RELN: variants seen among roughly 807,000 people sequenced by gnomAD.
The protein encoded by RELN is reelin.
Under a neutral mutation model 427.6 loss-of-function variants are expected in RELN, and 108 were observed. That is an observed-to-expected ratio of 0.25 (90% CI 0.22 to 0.30). RELN has a LOEUF of 0.30. RELN is among the 10% of genes least tolerant of loss of function. The pLI, the probability that RELN is intolerant of heterozygous loss-of-function variation, is 1.00. For missense variants in RELN, 3,715 were observed against 4,302.8 expected (o/e 0.86, Z 3.82); for synonymous variants, 1,524 against 1,513.4 (o/e 1.01, Z -0.16).
Position 103,561,615 on chromosome 7 carries a change from G to C in RELN, c.5446C>G (p.Leu1816Val), listed in dbSNP as rs1391159971. Residue 1816 changes from leucine (L) to valine (V), a missense_variant, in exon 36 of 65, where the codon CTT becomes GTT. Coordinates refer to ENST00000428762, the MANE Select transcript of RELN (RefSeq NM_005045.4). ...DDFNGNLHPD[L>V]WPEVYGAERG... ...TCTGCACCATACACTTCAGGCCAAA[G>C]GTCAGGATGTAAATTCCCATTGAAA... 6.2e-7 allele frequency: 1 copy of C among 1,613,714 alleles called. No individual in the cohort carries two copies. The highest frequency in any genetic ancestry group is 1.7e-5 in the Admixed American group (1 of 59,978).
chr7:103,510,418 AT>A (rs1829368063), intron 51 of RELN, among the ~76,000 whole-genome samples: 1 of 152,224 alleles, frequency 6.6e-6, no homozygotes, highest in African/African-American at 2.4e-5. Context: ...GTTCTCACTC[AT>A]AGGTGGGAGT....
At chr7:103,804,477 T>C (rs1584253833) in intron 3 of RELN, among the ~76,000 whole-genome samples, 1 of 152,112 alleles carries the variant, frequency 6.6e-6, no homozygotes, top group East Asian at 1.9e-4. Flanking sequence ...GGTAAGCATT[T>C]CTTACTGTGT....
At position 103,938,545 on chromosome 7, in the gene RELN, C is replaced by T. The variant is rs531440084; in HGVS notation, c.227-21360G>A. 2.6e-5 allele frequency among the ~76,000 whole-genome samples: 4 copies of T among 152,238 alleles called. No individual in the cohort carries two copies. In the East Asian group the frequency reaches 7.7e-4, roughly 29 times the overall value. The stretch of plus-strand genomic sequence containing the variant: ...AAATGATCTAAAACCTTGTCTAATC[C>T]TATTCTCCAAATGGGAAATATTATA... On this transcript the variant is annotated intron_variant, in intron 1 of 64. Transcript: ENST00000428762.
At chr7:103,522,329 GC>G in intron 47 of RELN, 130 bp from the exon 48 acceptor site, 1 of 856,742 alleles carries the variant, frequency 1.2e-6, no homozygotes, top group Non-Finnish European at 1.9e-6. Context: ...CAGAGAGCTT[GC>G]CAGAATACAC....
At chr7:103,621,379 T>C (rs1242039072) in intron 20 of RELN, among the ~76,000 whole-genome samples, 2 of 152,240 alleles carry the variant, frequency 1.3e-5, no homozygotes, top group African/African-American at 2.4e-5. Flanking sequence ...TTAAAATATA[T>C]TCATTTTAGT....
intron 4 of RELN, among the ~76,000 whole-genome samples, chr7:103,771,761 G>C (rs1026765985): frequency 4.6e-5 from 5 of 109,578 alleles, no homozygotes; most frequent in African/African-American, 2.3e-4. Flanking sequence ...CCTTCTTTCT[G>C]GCCAAGATCT....
intron 2 of RELN, among the ~76,000 whole-genome samples, chr7:103,846,567 A>G (rs1793682701): frequency 6.6e-6 from 1 of 152,250 alleles, no homozygotes; most frequent in Non-Finnish European, 1.5e-5. Context: ...AAAAGCCAAA[A>G]TTGACAAATG....
At chr7:103,510,734 T>C in intron 51 of RELN, 117 bp downstream of exon 51, 3 of 819,824 alleles carry the variant, frequency 3.7e-6, no homozygotes, top group Non-Finnish European at 6.1e-6. Flanking sequence ...TAATAGTAAA[T>C]TTTACTTTTC....
rs1386814176 is a variant in RELN at position 103,738,073 on chromosome 7, G to T, written c.657-9866C>A. Among the ~76,000 whole-genome samples the T allele has an allele frequency of 2.7e-5, 4 of 149,700 alleles. No homozygotes were observed. The Admixed American group carries it at 2.7e-4, about 10-fold the overall frequency. On this transcript the variant is annotated intron_variant, in intron 6 of 64. Transcript: ENST00000428762. Reference sequence around the variant, plus strand: ...GTAGGACATCTCTGCTATTATTATTGTTCTATCATTGTGCTGGAGGGGAAA... The same window carrying T: ...GTAGGACATCTCTGCTATTATTATTTTTCTATCATTGTGCTGGAGGGGAAA...
At chr7:103,649,448 G>T (rs772661911) in intron 16 of RELN, among the ~76,000 whole-genome samples, 2 of 151,922 alleles carry the variant, frequency 1.3e-5, no homozygotes, top group East Asian at 1.9e-4. Flanking sequence ...GGATGGAAGG[G>T]GGGTGAGGGA....
At chr7:103,965,853 A>AT (rs1796649791) in intron 1 of RELN, among the ~76,000 whole-genome samples, 1 of 152,184 alleles carries the variant, frequency 6.6e-6, no homozygotes, top group Non-Finnish European at 1.5e-5. Context: ...GTAAACATTT[A>AT]TTTCATTAAG....
At chr7:103,846,993 T>C (rs1207529468) in intron 2 of RELN, among the ~76,000 whole-genome samples, 3 of 152,144 alleles carry the variant, frequency 2.0e-5, no homozygotes, top group African/African-American at 7.2e-5. Flanking sequence ...AGTTCAACCA[T>C]TGTGGAAGAC....
intron 6 of RELN, among the ~76,000 whole-genome samples, chr7:103,746,160 A>T (rs1790821976): frequency 6.6e-6 from 1 of 152,140 alleles, no homozygotes; most frequent in African/African-American, 2.4e-5. Context: ...AAAACAAGCA[A>T]TGGGGAAAGA....
Position 103,503,031 on chromosome 7 carries a change from T to C in RELN, c.8474A>G (p.Glu2825Gly). ...GWKRITYPLPESLVGNPVRFR... is the reference protein window; with the variant it reads ...GWKRITYPLPGSLVGNPVRFR... The stretch of plus-strand genomic sequence containing the variant: ...TTCTACTTACTTTCCCACTAAGCTT[T>C]CAGGAAGTGGGTAGGTGATCCTTTT... The change falls in exon 52 of 65, where the codon GAA becomes GGA. Residue 2825 changes from glutamate to glycine, a missense_variant. By Grantham distance (98) the Glu-to-Gly change is moderately conservative (BLOSUM62 -2). This residue lies in a region of RELN where 1,310 missense variants were observed against 1,643.0 expected (regional missense o/e 0.80). Transcript: ENST00000428762. 1 of 1,613,974 alleles carries C rather than the reference T, an allele frequency of 6.2e-7. No homozygotes were observed. The highest frequency in any genetic ancestry group is 1.3e-5 in the African/African-American group (1 of 75,066).
intron 8 of RELN, among the ~76,000 whole-genome samples, chr7:103,714,362 TAC>T (rs1410921292): frequency 1.3e-5 from 2 of 152,208 alleles, no homozygotes; most frequent in African/African-American, 4.8e-5. Flanking sequence ...TACTTTGGAA[TAC>T]AGAGTTCAAG....
At chr7:103,877,058 G>C (rs906932360) in intron 2 of RELN, among the ~76,000 whole-genome samples, 1 of 151,922 alleles carries the variant, frequency 6.6e-6, no homozygotes. Context: ...CCCTCACCCA[G>C]TGTCTTCTAT....
rs568692463 is a variant in RELN, at chr7:103,831,511, T to C, written c.473+2026A>G. Among the ~76,000 whole-genome samples the C allele has an allele frequency of 1.3e-4, 20 of 152,260 alleles. No homozygotes were observed. In the South Asian group the frequency reaches 3.9e-3, roughly 30 times the overall value. The stretch of plus-strand genomic sequence containing the variant: ...CTCTACAATAGAGTTATAAGAAAAA[T>C]GTGACTATACGCGTCAATTTTGTTG... On this transcript the variant is annotated intron_variant, in intron 3 of 64. Coordinates refer to ENST00000428762, the MANE Select transcript of RELN (RefSeq NM_005045.4).
intron 1 of RELN, among the ~76,000 whole-genome samples, chr7:103,922,822 T>G (rs946350775): frequency 6.6e-6 from 1 of 152,164 alleles, no homozygotes; most frequent in Non-Finnish European, 1.5e-5. Flanking sequence ...TGCTCTATGG[T>G]CCATTAAATT....
intron 22 of RELN, among the ~76,000 whole-genome samples, chr7:103,605,167 A>G (rs1406283835): frequency 6.6e-6 from 1 of 152,190 alleles, no homozygotes; most frequent in Non-Finnish European, 1.5e-5. Flanking sequence ...AAGATGTTTA[A>G]CCTTAGAGTA....
Sources: gnomAD v4.1 joint callset for allele counts (sites outside exome capture counted in the v4.1 genomes callset) on GRCh38, gnomAD v4.1.1 for gene constraint, gnomAD v4.1.1 regional missense constraint, MANE v1.5 for transcripts, NCBI Gene and HGNC (gene_info 2026-07-23, HGNC 2026-07-21) for gene names.